ANO3: variants seen among roughly 807,000 people sequenced by gnomAD.
ANO3 encodes anoctamin-3.
A neutral mutation model predicts 144.8 loss-of-function variants in ANO3; 99 were observed. The ratio of observed to expected loss-of-function variants is 0.68; its 90% confidence interval spans 0.58 to 0.81. The LOEUF is 0.81. Among genes scored for constraint, ANO3 ranks in the 30% least tolerant of loss-of-function variants. The pLI, the probability that ANO3 is intolerant of heterozygous loss-of-function variation, is 0.00. For synonymous variants in ANO3, 414 were observed against 392.6 expected, an observed-to-expected ratio of 1.05 and a Z score of -0.64; for missense variants, 905 against 1,202.2, an observed-to-expected ratio of 0.75 and a Z score of 3.66.
chr11:26,569,720 T>A (rs890546264), intron 14 of ANO3, among the ~76,000 whole-genome samples: 7 of 152,124 alleles, frequency 4.6e-5, no homozygotes, highest in African/African-American at 1.7e-4. Context: ...TTTTAGCCTC[T>A]CTCCATCTCT....
At chr11:26,308,320 C>T (rs1008090684), upstream of ANO3, among the ~76,000 whole-genome samples, 6 of 152,248 alleles carry the variant, frequency 3.9e-5, no homozygotes, top group African/African-American at 1.4e-4. Context: ...TGGATTAGAT[C>T]GTCCTCAAGG....
rs1852382775 is a variant in ANO3 at position 26,230,900 on chromosome 11, TTTC to T, written c.154+41573_154+41575del. Among the ~76,000 whole-genome samples, 5 of 150,496 alleles carry T rather than the reference TTTC, an allele frequency of 3.3e-5. No homozygotes were observed. The South Asian group carries it at 6.3e-4, about 19-fold the overall frequency. On this transcript the variant is annotated intron_variant, in intron 1 of 27. Coordinates refer to the ANO3 transcript ENST00000672621. ...AGAAGTTTTTTTCTTTTTTTTTTTT[TTTC>T]TTTTTTTTAGATGGAGTCTCCCTCT... is the stretch of plus-strand genomic sequence containing the variant.
At chr11:26,225,571 T>C (rs1053455405) in intron 1 of ANO3, among the ~76,000 whole-genome samples, 3 of 152,156 alleles carry the variant, frequency 2.0e-5, no homozygotes, top group Non-Finnish European at 4.4e-5. Flanking sequence ...GATAATTTAT[T>C]ATTGTCTCTA....
intron 3 of ANO3, among the ~76,000 whole-genome samples, chr11:26,452,233 G>C (rs1858972331): frequency 6.6e-6 from 1 of 152,232 alleles, no homozygotes; most frequent in Non-Finnish European, 1.5e-5. Flanking sequence ...GCTGGACGGA[G>C]AATGACTTTG....
intron 13 of ANO3, among the ~76,000 whole-genome samples, chr11:26,556,672 G>A (rs1850091798): frequency 6.6e-6 from 1 of 152,076 alleles, no homozygotes; most frequent in Non-Finnish European, 1.5e-5. Context: ...GTCTAATCAA[G>A]ACTGCATTTT....
chr11:26,284,898 C>G (rs1853767104), intron 1 of ANO3, among the ~76,000 whole-genome samples: 1 of 152,174 alleles, frequency 6.6e-6, no homozygotes, highest in African/African-American at 2.4e-5. Context: ...GAGCGAGACT[C>G]CGTCTCAAAA....
chr11:26,598,260 A>G lies in ANO3; in HGVS notation c.1448-105A>G, dbSNP rs1590612029. The G allele has an allele frequency of 1.0e-5, 5 of 486,486 alleles. No homozygotes were observed. In the East Asian group the frequency reaches 2.0e-4, roughly 19 times the overall value. The allele number at this position is 486,486 out of a possible 1,614,324, so 30.1% of individuals were successfully genotyped here. ...GGGAAAAATAAAATTTTAATTTATT[A>G]TTTTCATAATTTAATTTTAATTATG... On this transcript the variant is annotated intron_variant, in intron 14 of 26. Coordinates refer to ENST00000256737, the MANE Select transcript of ANO3 (RefSeq NM_031418.4).
At chr11:26,190,174 T>C (rs1851448577) in intron 1 of ANO3, among the ~76,000 whole-genome samples, 1 of 152,174 alleles carries the variant, frequency 6.6e-6, no homozygotes, top group South Asian at 2.1e-4. Context: ...CTGGATATTG[T>C]TGGACACTGA....
intron 12 of ANO3, among the ~76,000 whole-genome samples, chr11:26,551,652 T>C (rs2134226408): frequency 6.6e-6 from 1 of 152,120 alleles, no homozygotes; most frequent in South Asian, 2.1e-4. Context: ...ACCTTTTTAG[T>C]ATAAGATTCT....
At chr11:26,513,275 C>A (rs1377661260) in intron 5 of ANO3, among the ~76,000 whole-genome samples, 1 of 152,070 alleles carries the variant, frequency 6.6e-6, no homozygotes, top group Non-Finnish European at 1.5e-5. Context: ...ATGGCATGAC[C>A]CGACTTACAT....
intron 3 of ANO3, among the ~76,000 whole-genome samples, chr11:26,455,952 T>G (rs566865237): frequency 6.6e-6 from 1 of 151,612 alleles, no homozygotes; most frequent in Non-Finnish European, 1.5e-5. Flanking sequence ...TTGACAAACC[T>G]GAGAAAAACA....
intron 3 of ANO3, among the ~76,000 whole-genome samples, chr11:26,449,345 C>T (rs961968031): frequency 1.3e-5 from 2 of 152,160 alleles, no homozygotes; most frequent in Non-Finnish European, 2.9e-5. Context: ...AACTGTCAAT[C>T]TTGCTGCCAC....
intron 1 of ANO3, among the ~76,000 whole-genome samples, chr11:26,274,253 A>C (rs545301044): frequency 6.6e-6 from 1 of 152,314 alleles, no homozygotes; most frequent in African/African-American, 2.4e-5. Flanking sequence ...AATATTTACC[A>C]ATATACAAAT....
chr11:26,636,654 T>A (rs1852968381), intron 20 of ANO3, among the ~76,000 whole-genome samples: 1 of 152,244 alleles, frequency 6.6e-6, no homozygotes, highest in Admixed American at 6.5e-5. Context: ...CTGATGAAGT[T>A]ATGATTTAAA....
intron 1 of ANO3, among the ~76,000 whole-genome samples, chr11:26,373,597 C>G (rs1051787306): frequency 2.0e-5 from 3 of 152,104 alleles, no homozygotes; most frequent in African/African-American, 7.2e-5. Context: ...CTAAATAGTT[C>G]TGGTTCTAAT....
chr11:26,344,526 G>A (rs745382224), intron 1 of ANO3, among the ~76,000 whole-genome samples: 1 of 151,632 alleles, frequency 6.6e-6, no homozygotes, highest in Non-Finnish European at 1.5e-5. Flanking sequence ...CCACCATGCC[G>A]GCTGATTTTT....
At chr11:26,443,601 T>C (rs557820809) in intron 2 of ANO3, among the ~76,000 whole-genome samples, 164 bp from the exon 3 acceptor site, 11 of 152,202 alleles carry the variant, frequency 7.2e-5, no homozygotes, top group African/African-American at 2.6e-4. Flanking sequence ...CTCCGTTTCT[T>C]AAAAAACGGA....
chr11:26,200,705 C>A (rs1180642472), intron 1 of ANO3, among the ~76,000 whole-genome samples: 3 of 152,084 alleles, frequency 2.0e-5, no homozygotes, highest in Non-Finnish European at 4.4e-5. Context: ...TATGATATAT[C>A]TTGGGGTTAG....
At chr11:26,604,428 GT>G (rs1252625460) in intron 17 of ANO3, among the ~76,000 whole-genome samples, 10 of 152,046 alleles carry the variant, frequency 6.6e-5, no homozygotes, top group African/African-American at 2.2e-4. Flanking sequence ...ACTTAAAGTA[GT>G]TTTTTTCTAA....
Sources: gnomAD v4.1 joint callset for allele counts (sites outside exome capture counted in the v4.1 genomes callset) on GRCh38, gnomAD v4.1.1 for gene constraint, MANE v1.5 for transcripts, NCBI Gene and HGNC (gene_info 2026-07-23, HGNC 2026-07-21) for gene names.